The following FIP1L1 variants were observed in gnomAD, a reference collection of about 807,000 sequenced individuals.
The protein encoded by FIP1L1 is factor interacting with PAPOLA and CPSF1.
In FIP1L1, 21 loss-of-function variants were observed where a neutral mutation model predicts 84.6. The ratio of observed to expected loss-of-function variants is 0.25; its 90% CI spans 0.18 to 0.36. The LOEUF is 0.36. Among genes scored for constraint, FIP1L1 ranks in the 10% least tolerant of loss-of-function variants. FIP1L1 has a pLI of 1.00. For synonymous variants in FIP1L1, 263 were observed against 242.3 expected, an observed-to-expected ratio of 1.09 and a Z score of -0.80; for missense variants, 526 against 751.1, an observed-to-expected ratio of 0.70 and a Z score of 3.50.
At chr4:53,393,873 A>G (rs896971622) in intron 9 of FIP1L1, among the ~76,000 whole-genome samples, 3 of 144,406 alleles carry the variant, frequency 2.1e-5, no homozygotes, top group Admixed American at 1.5e-4. Context: ...TGTACCAAGC[A>G]TTCTCGATTT....
At chr4:53,390,956 G>A (rs1743947772) in intron 7 of FIP1L1, 53 bp from the exon 8 acceptor site, 4 of 1,416,648 alleles carry the variant, frequency 2.8e-6, no homozygotes, top group South Asian at 2.8e-5. Flanking sequence ...TTTTGATGCT[G>A]CATAAAAATA....
intron 5 of FIP1L1, among the ~76,000 whole-genome samples, chr4:53,384,273 G>A (rs1017757237): frequency 6.6e-6 from 1 of 152,070 alleles, no homozygotes; most frequent in African/African-American, 2.4e-5. Flanking sequence ...GCCAGGCATG[G>A]TGGTGGGCAC....
chr4:53,454,865 A>G (rs1256471705), intron 16 of FIP1L1, among the ~76,000 whole-genome samples: 2 of 152,174 alleles, frequency 1.3e-5, no homozygotes, highest in Non-Finnish European at 2.9e-5. Context: ...TTCTTCCAGT[A>G]TAAGGCTATT....
rs1260779169 is a variant in FIP1L1, at chr4:53,460,737, G to A, written c.*1288G>A. On this transcript the variant is annotated 3_prime_UTR_variant, in exon 18 of 18. Transcript: ENST00000337488. ...AAAAACTAGTAGTTTTAATTTTTTT[G>A]GAATCATATTTTCTGAGGTGTAACT... 6.5e-6 allele frequency: 4 copies of A among 612,194 alleles called. No homozygotes were observed. Among genetic ancestry groups the A allele is most frequent in the Non-Finnish European group, 8.1e-6 (3 of 370,872 alleles). The allele number at this position is 612,194 out of a possible 1,614,324, so 37.9% of individuals were successfully genotyped here. A position where few individuals can be genotyped will look rare whatever the true frequency, so the allele number is the denominator to read the frequency against.
rs1383576377 is a variant in FIP1L1, at chr4:53,377,666, G to A, written c.-173G>A. The A allele has an allele frequency of 2.0e-5, 12 of 588,338 alleles. No homozygotes were observed. Among genetic ancestry groups the A allele is most frequent in the South Asian group, 7.1e-5 (3 of 42,252 alleles). The allele number at this position is 588,338 out of a possible 1,614,324, so 36.4% of individuals were successfully genotyped here. ...GCGCATGCGCAGACGGACCTGCGCT[G>A]GAGGCTTCATCTTTGCCGCCGCTGC... On this transcript the variant is annotated 5_prime_UTR_variant, in exon 1 of 18. Transcript: ENST00000337488.
intron 6 of FIP1L1, 60 bp downstream of exon 6, chr4:53,389,933 C>A: frequency 1.6e-6 from 2 of 1,275,348 alleles, no homozygotes; most frequent in Non-Finnish European, 2.2e-6. Context: ...TTAAATAGGT[C>A]TTAATAGCTT....
intron 10 of FIP1L1, among the ~76,000 whole-genome samples, chr4:53,403,561 G>A (rs1751392189): frequency 6.6e-6 from 1 of 152,182 alleles, no homozygotes; most frequent in African/African-American, 2.4e-5. Context: ...CTCTTGGAAA[G>A]CATTTTCTGT....
At chr4:53,443,365 G>A (rs1272103870) in intron 14 of FIP1L1, among the ~76,000 whole-genome samples, 1 of 100,462 alleles carries the variant, frequency 1.0e-5, no homozygotes. Flanking sequence ...GATTTAAAAG[G>A]CTACTGAATA....
At chr4:53,404,079 A>G (rs747779658) in intron 10 of FIP1L1, among the ~76,000 whole-genome samples, 2 of 151,350 alleles carry the variant, frequency 1.3e-5, no homozygotes, top group Non-Finnish European at 2.9e-5. Context: ...TTACATATGT[A>G]TACATGTGCC....
chr4:53,398,193 C>T (rs1748421795), intron 9 of FIP1L1, among the ~76,000 whole-genome samples: 1 of 152,154 alleles, frequency 6.6e-6, no homozygotes. Flanking sequence ...TTTACATTCT[C>T]TCACCAGATC....
chr4:53,399,136 G>C lies in FIP1L1; in HGVS notation c.706-594G>C, dbSNP rs114062412. On this transcript the variant is annotated intron_variant, in intron 9 of 17. Transcript: ENST00000337488. Reference sequence around the variant, plus strand: ...CGACTGTACTCCAGCCTGGGTGACAGAGTGAGAAGAGGTATTAAGACAGAT... The same window carrying C: ...CGACTGTACTCCAGCCTGGGTGACACAGTGAGAAGAGGTATTAAGACAGAT... Among the ~76,000 whole-genome samples, 537 of 152,328 alleles carry C rather than the reference G, an allele frequency of 3.5e-3. 3 individuals carry two copies. Among genetic ancestry groups the C allele is most frequent in the African/African-American group, 0.012 (518 of 41,574 alleles).
chr4:53,449,712 A>G (rs749865051), intron 15 of FIP1L1, among the ~76,000 whole-genome samples: 1 of 151,854 alleles, frequency 6.6e-6, no homozygotes, highest in Non-Finnish European at 1.5e-5. Flanking sequence ...CTGTACCTTC[A>G]CTCACCTGTA....
At chr4:53,424,727 G>GA (rs1286685500) in intron 11 of FIP1L1, among the ~76,000 whole-genome samples, 1 of 152,062 alleles carries the variant, frequency 6.6e-6, no homozygotes, top group Non-Finnish European at 1.5e-5. Context: ...ATGATTTCCA[G>GA]AAAAGCCTTA....
chr4:53,401,321 C>G (rs1376552418), intron 10 of FIP1L1, among the ~76,000 whole-genome samples: 1 of 152,126 alleles, frequency 6.6e-6, no homozygotes, highest in Non-Finnish European at 1.5e-5. Flanking sequence ...ATTATAAAGG[C>G]TTTGGCTTTT....
At chr4:53,425,139 T>C (rs1473218611) in intron 11 of FIP1L1, among the ~76,000 whole-genome samples, 1 of 152,176 alleles carries the variant, frequency 6.6e-6, no homozygotes, top group Non-Finnish European at 1.5e-5. Context: ...TCCAAGTGAC[T>C]TCTATATCAT....
intron 11 of FIP1L1, among the ~76,000 whole-genome samples, chr4:53,415,533 T>TTG (rs1313350380): frequency 1.6e-4 from 24 of 151,562 alleles, no homozygotes; most frequent in Admixed American, 1.6e-3. Flanking sequence ...TTTTTTGTTT[T>TTG]TTTTTTTGCT....
At chr4:53,457,474 G>C (rs1719864217) in intron 16 of FIP1L1, among the ~76,000 whole-genome samples, 1 of 152,040 alleles carries the variant, frequency 6.6e-6, no homozygotes. Context: ...AAATTTTAAT[G>C]TATCACAGAT....
In FIP1L1 at chr4:53,420,631, C is replaced by G. The variant is rs184303665; in HGVS notation, c.924-5241C>G. Among the ~76,000 whole-genome samples, 671 of 152,046 alleles carry G rather than the reference C, an allele frequency of 4.4e-3. 5 individuals are homozygous for G. The highest frequency in any genetic ancestry group is 0.034 in the Middle Eastern group (10 of 294). On this transcript the variant is annotated intron_variant, in intron 11 of 17. Coordinates refer to ENST00000337488, the MANE Select transcript of FIP1L1 (RefSeq NM_030917.4). ...GATTTTTCATTAATAAATTGTTACT[C>G]GAACATTAGAATATATTTTCTTTAT...
At chr4:53,417,642 CAAAAA>C (rs57635694) in intron 11 of FIP1L1, among the ~76,000 whole-genome samples, 7 of 46,352 alleles carry the variant, frequency 1.5e-4, no homozygotes, top group African/African-American at 3.5e-4. Flanking sequence ...AACTCCTTCT[CAAAAA>C]AAAAAAAAAA....
Sources: gnomAD v4.1 joint callset for allele counts (sites outside exome capture counted in the v4.1 genomes callset) on GRCh38, gnomAD v4.1.1 for gene constraint, MANE v1.5 for transcripts, NCBI Gene and HGNC (gene_info 2026-07-23, HGNC 2026-07-21) for gene names.